Variants in ASIC2 observed in about 807,000 individuals in gnomAD.
ASIC2 encodes the protein acid sensing ion channel subunit 2.
Under a neutral mutation model 57.3 loss-of-function variants are expected in ASIC2, and 25 were observed. The observed-to-expected ratio is 0.44, with a 90% CI of 0.32 to 0.61. The LOEUF (loss-of-function observed/expected upper bound fraction) is 0.61, where lower values mean the gene tolerates loss of function less well. Ranked by LOEUF, ASIC2 falls within the 20% of genes least tolerant of loss-of-function variation. The pLI, the probability that ASIC2 is intolerant of heterozygous loss-of-function variation, is 0.06. For synonymous variants in ASIC2, 319 were observed against 307.5 expected (o/e 1.04, Z -0.39); for missense variants, 641 against 738.1 (o/e 0.87, Z 1.52).
intron 1 of ASIC2, among the ~76,000 whole-genome samples, chr17:33,593,095 A>G (rs1246595847): frequency 6.6e-6 from 1 of 152,202 alleles, no homozygotes. Flanking sequence ...GCAAACCACA[A>G]AAGTCAAGAA....
intron 1 of ASIC2, among the ~76,000 whole-genome samples, chr17:33,770,288 A>G (rs1278810464): frequency 6.6e-6 from 1 of 152,238 alleles, no homozygotes; most frequent in African/African-American, 2.4e-5. Context: ...TGGGCAGGAC[A>G]CAGTTCAGAA....
chr17:33,471,701 T>G (rs1340804001), intron 1 of ASIC2, among the ~76,000 whole-genome samples: 1 of 152,136 alleles, frequency 6.6e-6, no homozygotes, highest in Admixed American at 6.5e-5. Context: ...AATAACAATA[T>G]CTAAGCATAA....
chr17:34,100,824 C>A (rs1261853688), intron 1 of ASIC2, among the ~76,000 whole-genome samples: 1 of 152,204 alleles, frequency 6.6e-6, no homozygotes, highest in East Asian at 1.9e-4. Context: ...CTACTCCCCA[C>A]TTCCTGGGCT....
At chr17:33,554,118 GGA>G (rs1350417348) in intron 1 of ASIC2, among the ~76,000 whole-genome samples, 2 of 152,168 alleles carry the variant, frequency 1.3e-5, no homozygotes, top group Non-Finnish European at 2.9e-5. Context: ...TAATGCCTGG[GGA>G]AACACTTTGC....
intron 1 of ASIC2, among the ~76,000 whole-genome samples, chr17:34,132,640 T>C (rs943965652): frequency 6.6e-6 from 1 of 152,090 alleles, no homozygotes; most frequent in Non-Finnish European, 1.5e-5. Context: ...GAGTGCTGAT[T>C]GGTGCATTTT....
intron 1 of ASIC2, among the ~76,000 whole-genome samples, chr17:33,419,410 C>T (rs1242627058): frequency 6.6e-6 from 1 of 152,188 alleles, no homozygotes; most frequent in Admixed American, 6.5e-5. Flanking sequence ...CGGCACAAAG[C>T]TTGTCAGTTC....
intron 1 of ASIC2, among the ~76,000 whole-genome samples, chr17:33,361,822 G>A (rs1172978282): frequency 1.3e-5 from 2 of 152,156 alleles, no homozygotes; most frequent in African/African-American, 2.4e-5. Context: ...CCTTGCTAAT[G>A]TAACAATATC....
chr17:33,099,452 G>A (rs1255960620), intron 2 of ASIC2, among the ~76,000 whole-genome samples: 4 of 152,200 alleles, frequency 2.6e-5, no homozygotes, highest in Admixed American at 2.6e-4. Context: ...GTCCATGTTG[G>A]GGAAGGAGAT....
intron 1 of ASIC2, among the ~76,000 whole-genome samples, chr17:33,217,857 T>G (rs1362475805): frequency 6.6e-6 from 1 of 152,214 alleles, no homozygotes; most frequent in African/African-American, 2.4e-5. Flanking sequence ...CTGCGGAGAC[T>G]TTTAGAGCAG....
intron 3 of ASIC2, among the ~76,000 whole-genome samples, chr17:33,057,714 T>C (rs2092003723): frequency 6.6e-6 from 1 of 152,250 alleles, no homozygotes. Flanking sequence ...ATGGTTCTGG[T>C]TGAGGCTTTG....
intron 1 of ASIC2, among the ~76,000 whole-genome samples, chr17:34,031,145 G>A (rs1488198212): frequency 6.6e-6 from 1 of 152,144 alleles, no homozygotes; most frequent in East Asian, 1.9e-4. Context: ...ACATGGCCGG[G>A]TACTCCTCTG....
intron 1 of ASIC2, among the ~76,000 whole-genome samples, chr17:33,410,258 C>T (rs539296862): frequency 5.3e-5 from 8 of 152,222 alleles, no homozygotes; most frequent in African/African-American, 7.2e-5. Flanking sequence ...ATCACAGCCC[C>T]GGAACATGCT....
chr17:33,387,523 T>C (rs1162921313), intron 1 of ASIC2, among the ~76,000 whole-genome samples: 3 of 152,214 alleles, frequency 2.0e-5, no homozygotes, highest in Non-Finnish European at 4.4e-5. Context: ...ACAGACCCTC[T>C]CTCACCTAGC....
chr17:33,467,744 CTA>C (rs1164454742), intron 1 of ASIC2, among the ~76,000 whole-genome samples: 1 of 152,162 alleles, frequency 6.6e-6, no homozygotes, highest in Non-Finnish European at 1.5e-5. Flanking sequence ...CTGAATCTAC[CTA>C]TGACCTGGAA....
rs185626239 is a variant in ASIC2, at chr17:33,797,952, C to T, written c.555+358026G>A. On this transcript the variant is annotated intron_variant, in intron 1 of 9. Coordinates refer to the ASIC2 transcript ENST00000359872. ...CATAGGCTGGCTCAGCTGTACAGAG[C>T]CTGGCGAGAGAGGGATCATCGCAGT... Among the ~76,000 whole-genome samples the T allele has an allele frequency of 2.6e-5, 4 of 152,208 alleles. No homozygotes were observed. In the East Asian group the frequency reaches 7.7e-4, roughly 29 times the overall value.
intron 1 of ASIC2, among the ~76,000 whole-genome samples, chr17:33,320,713 T>A (rs1906835907): frequency 6.6e-6 from 1 of 152,230 alleles, no homozygotes; most frequent in East Asian, 1.9e-4. Context: ...CTATTGGAGC[T>A]ACAAACACCC....
intron 1 of ASIC2, among the ~76,000 whole-genome samples, chr17:33,883,352 T>C (rs995738196): frequency 6.6e-6 from 1 of 152,238 alleles, no homozygotes. Context: ...ATTTTGCTTC[T>C]AGCACCATCC....
At chr17:33,090,072 T>C (rs953835734) in intron 2 of ASIC2, among the ~76,000 whole-genome samples, 2 of 152,148 alleles carry the variant, frequency 1.3e-5, no homozygotes, top group African/African-American at 4.8e-5. Flanking sequence ...TTCCCTAGCC[T>C]TGTTCTGAGT....
At chr17:34,102,804 A>G (rs1910912989) in intron 1 of ASIC2, among the ~76,000 whole-genome samples, 1 of 152,156 alleles carries the variant, frequency 6.6e-6, no homozygotes. Flanking sequence ...TACTTTTTGT[A>G]GGTATTTGTT....
Sources: gnomAD v4.1 joint callset for allele counts (sites outside exome capture counted in the v4.1 genomes callset) on GRCh38, gnomAD v4.1.1 for gene constraint, MANE v1.5 for transcripts, NCBI Gene and HGNC (gene_info 2026-07-23, HGNC 2026-07-21) for gene names.